PIWIL3: variants seen among roughly 807,000 people sequenced by gnomAD.
PIWIL3 encodes piwi-like protein 3.
Under a neutral mutation model 109.7 loss-of-function variants are expected in PIWIL3, and 101 were observed. That is an observed-to-expected ratio of 0.92 (90% CI 0.78 to 1.09). PIWIL3 has a LOEUF of 1.09. Among genes scored for constraint, PIWIL3 ranks in the 50% least tolerant of loss-of-function variants. The probability of loss-of-function intolerance (pLI) is 0.00; values close to 1 mark genes in which losing one functional copy is unlikely to be tolerated. For synonymous variants in PIWIL3, 373 were observed against 376.4 expected, an observed-to-expected ratio of 0.99 and a Z score of 0.10; for missense variants, 1,031 against 1,072.6, an observed-to-expected ratio of 0.96 and a Z score of 0.54.
Position 24,723,258 on chromosome 22 carries a change from TAAA to T in PIWIL3, c.2232-6_2232-4del. 4 of 1,608,038 alleles carry T rather than the reference TAAA, an allele frequency of 2.5e-6. No individual in the cohort carries two copies. The highest frequency in any genetic ancestry group is 3.4e-6 in the Non-Finnish European group (4 of 1,176,422). ...CCACAATGAAAGCTAGAGTGAAACTTAAAAAAATTAGGGTAAGTGTCACTATGT... is the reference window on the plus strand; with the variant it reads ...CCACAATGAAAGCTAGAGTGAAACTTAAAATTAGGGTAAGTGTCACTATGT... On this transcript the variant is annotated splice_region_variant and splice_polypyrimidine_tract_variant and intron_variant, in intron 18 of 20. Transcript: ENST00000616349.
At chr22:24,744,737 G>A (rs9624579) in intron 12 of PIWIL3, among the ~76,000 whole-genome samples, 1 of 152,176 alleles carries the variant, frequency 6.6e-6, no homozygotes, top group Non-Finnish European at 1.5e-5. Context: ...GAGTAACCCA[G>A]ATATATAAAA....
chr22:24,719,811 G>C lies in PIWIL3; in HGVS notation c.2442C>G (p.Gly814=). The C allele has an allele frequency of 3.7e-6, 6 of 1,612,114 alleles. No individual in the cohort carries two copies. Among genetic ancestry groups the C allele is most frequent in the Non-Finnish European group, 5.1e-6 (6 of 1,178,198 alleles). The change falls in exon 20 of 21, where the codon GGC becomes GGG. Residue 814 remains glycine (G), a synonymous_variant. Coordinates refer to ENST00000616349, the MANE Select transcript of PIWIL3 (RefSeq NM_001255975.1). ...THYNVIYDTI[G]LSPDTVQRLT... is the part of the protein sequence containing the mutation. ...AACGCTGTACTGTATCTGGGCTCAA[G>C]CCAATCGTGTCATAGATGACGTTAT...
At chr22:24,749,293 C>A (rs1174767114) in intron 11 of PIWIL3, 111 bp downstream of exon 11, 7 of 1,484,320 alleles carry the variant, frequency 4.7e-6, no homozygotes, top group Non-Finnish European at 6.3e-6. Flanking sequence ...AAAATTCTTC[C>A]CATTGTCACT....
chr22:24,733,008 A>G (rs1923443636), intron 14 of PIWIL3, among the ~76,000 whole-genome samples: 1 of 152,214 alleles, frequency 6.6e-6, no homozygotes, highest in Non-Finnish European at 1.5e-5. Flanking sequence ...AGGAAAGAAT[A>G]AAACAATACT....
chr22:24,767,474 C>T (rs1457948849), intron 1 of PIWIL3, among the ~76,000 whole-genome samples: 1 of 151,650 alleles, frequency 6.6e-6, no homozygotes, highest in Non-Finnish European at 1.5e-5. Flanking sequence ...TTGCTTGAAC[C>T]TGGCAGGTGG....
intron 12 of PIWIL3, among the ~76,000 whole-genome samples, chr22:24,738,090 G>A (rs979353510): frequency 1.3e-5 from 2 of 152,184 alleles, no homozygotes; most frequent in Admixed American, 6.5e-5. Flanking sequence ...AGTGGAGGTT[G>A]CAGTGAGCCA....
In PIWIL3 at chr22:24,744,177, TTAAAAAAAAAA is replaced by T. The variant is rs1294641502; in HGVS notation, c.1449+4719_1449+4729del. Among the ~76,000 whole-genome samples the T allele has an allele frequency of 3.9e-4, 14 of 35,860 alleles. 1 individual carries two copies. In the East Asian group the frequency reaches 4.4e-3, roughly 11 times the overall value. The allele number at this position is 35,860 out of a possible 152,430, so 23.5% of individuals were successfully genotyped here. A position where few individuals can be genotyped will look rare whatever the true frequency, so the allele number is the denominator to read the frequency against. Reference sequence around the variant, plus strand: ...AACTCTAATTGAAAGAGTGACCGAATTAAAAAAAAAAAAAAAAAAAAAAAAAAAAACAATGA... The same window carrying T: ...AACTCTAATTGAAAGAGTGACCGAATAAAAAAAAAAAAAAAAAAACAATGA... On this transcript the variant is annotated intron_variant, in intron 12 of 20. Coordinates refer to ENST00000616349, the MANE Select transcript of PIWIL3 (RefSeq NM_001255975.1).
In PIWIL3 at chr22:24,735,827, C is replaced by T. The variant is rs375075344; in HGVS notation, c.1515G>A (p.Met505Ile). 1.9e-6 allele frequency: 3 copies of T among 1,613,680 alleles called. No homozygotes were observed. The highest frequency in any genetic ancestry group is 2.5e-6 in the Non-Finnish European group (3 of 1,179,740). ...EIRELPLLNA[M>I]PLHSWLILYS... ...AGAGTATGAGCCAACTATGTAGTGG[C>T]ATTGCATTAAGTAAGGGTAATTCTC... Residue 505 changes from methionine to isoleucine, a missense_variant, in exon 13 of 21, where the codon ATG (methionine) becomes ATA (isoleucine). By Grantham distance (10) the Met-to-Ile change is conservative. Coordinates refer to ENST00000616349, the MANE Select transcript of PIWIL3 (RefSeq NM_001255975.1).
intron 9 of PIWIL3, among the ~76,000 whole-genome samples, chr22:24,750,651 G>A (rs1601841535): frequency 1.3e-5 from 2 of 150,604 alleles, no homozygotes; most frequent in South Asian, 2.1e-4. Context: ...ACCATGCCCG[G>A]CTAATTTTGT....
Position 24,727,479 on chromosome 22 carries a change from G to A in PIWIL3, c.2009+471C>T, listed in dbSNP as rs866858024. On this transcript the variant is annotated intron_variant, in intron 16 of 20. Coordinates refer to ENST00000616349, the MANE Select transcript of PIWIL3 (RefSeq NM_001255975.1). ...TGATCAAGACTGGCCTGCAGCTGAC[G>A]GTCAACAACAACAACAACAAACAAC... 3.3e-5 allele frequency among the ~76,000 whole-genome samples: 5 copies of A among 152,178 alleles called. No homozygotes were observed. The South Asian group carries it at 6.2e-4, about 19-fold the overall frequency.
intron 1 of PIWIL3, among the ~76,000 whole-genome samples, chr22:24,770,353 C>T (rs2027609): frequency 0.4 from 60,915 of 152,050 alleles, 12,472 homozygotes; most frequent in East Asian, 0.56. Flanking sequence ...TATGACTGAG[C>T]AGCTCAGCTT....
intron 6 of PIWIL3, among the ~76,000 whole-genome samples, chr22:24,755,560 CAAA>C (rs58105818): frequency 0.19 from 28,958 of 152,088 alleles, 3,049 homozygotes; most frequent in Admixed American, 0.31. Flanking sequence ...AGGTATGAGA[CAAA>C]GAACGGGCAT....
At chr22:24,761,072 G>A (rs961854014) in intron 2 of PIWIL3, among the ~76,000 whole-genome samples, 1 of 152,156 alleles carries the variant, frequency 6.6e-6, no homozygotes, top group Non-Finnish European at 1.5e-5. Flanking sequence ...TCCTTCTGAT[G>A]AGGTGGGTAT....
intron 12 of PIWIL3, among the ~76,000 whole-genome samples, chr22:24,745,212 C>T (rs751258510): frequency 9.2e-5 from 14 of 152,090 alleles, no homozygotes; most frequent in East Asian, 1.9e-4. Context: ...TGGGATACAG[C>T]GAAAGCAGTA....
chr22:24,728,392 A>G lies in PIWIL3; in HGVS notation c.1708-18T>C, dbSNP rs547024756. On this transcript the variant is annotated intron_variant, in intron 14 of 20. Coordinates refer to ENST00000616349, the MANE Select transcript of PIWIL3 (RefSeq NM_001255975.1). The stretch of plus-strand genomic sequence containing the variant: ...CAAATCACCTTGAAAACCAGCAAAC[A>G]TGACATTCCCTAAGATACAACAACA... 3.3e-4 allele frequency: 528 copies of G among 1,614,170 alleles called. 6 individuals are homozygous for G. The South Asian group carries it at 5.5e-3, about 17-fold the overall frequency.
chr22:24,733,033 C>G (rs1262402767), intron 14 of PIWIL3, among the ~76,000 whole-genome samples: 1 of 152,152 alleles, frequency 6.6e-6, no homozygotes, highest in East Asian at 1.9e-4. Context: ...TAACAGGAAG[C>G]AACACATAAA....
chr22:24,756,765 T>G, intron 4 of PIWIL3, 60 bp from the exon 5 acceptor site: 2 of 1,415,238 alleles, frequency 1.4e-6, no homozygotes, highest in Non-Finnish European at 9.9e-7. Context: ...AAACAAACAG[T>G]TTGGACACTA....
At chr22:24,719,716 A>G in intron 20 of PIWIL3, 32 bp downstream of exon 20, 1 of 1,587,842 alleles carries the variant, frequency 6.3e-7, no homozygotes, top group South Asian at 1.1e-5. Flanking sequence ...CATTTAAAAA[A>G]TCTGAAGAAA....
intron 12 of PIWIL3, among the ~76,000 whole-genome samples, chr22:24,743,337 C>A (rs1924120216): frequency 1.3e-5 from 2 of 152,198 alleles, no homozygotes; most frequent in African/African-American, 2.4e-5. Context: ...AGCAATCCCA[C>A]TACTAGGTAT....
Sources: gnomAD v4.1 joint callset for allele counts (sites outside exome capture counted in the v4.1 genomes callset) on GRCh38, gnomAD v4.1.1 for gene constraint, MANE v1.5 for transcripts, NCBI Gene and HGNC (gene_info 2026-07-23, HGNC 2026-07-21) for gene names.